The following KIFAP3 variants were observed in gnomAD, a reference collection of about 807,000 sequenced individuals.
KIFAP3 encodes kinesin-associated protein 3.
Under a neutral mutation model 106.5 loss-of-function variants are expected in KIFAP3, and 68 were observed. The ratio of observed to expected loss-of-function variants is 0.64; its 90% CI spans 0.53 to 0.78. KIFAP3 has a LOEUF of 0.78. Among genes scored for constraint, KIFAP3 ranks in the 30% least tolerant of loss-of-function variants. The pLI, the probability that KIFAP3 is intolerant of heterozygous loss-of-function variation, is 0.00. For missense variants in KIFAP3, 780 were observed against 941.8 expected (o/e 0.83, Z 2.25); for synonymous variants, 320 against 311.5 (o/e 1.03, Z -0.29).
intron 12 of KIFAP3, among the ~76,000 whole-genome samples, chr1:169,983,920 TA>T (rs1423986309): frequency 2.6e-5 from 4 of 151,858 alleles, no homozygotes; most frequent in Non-Finnish European, 5.9e-5. Context: ...CAAAATTCTT[TA>T]ATAGACAATT....
chr1:170,019,804 T>C (rs117775398), intron 9 of KIFAP3, among the ~76,000 whole-genome samples: 2,265 of 152,168 alleles, frequency 0.015, 127 homozygotes, highest in Admixed American at 0.09. Context: ...ACACGATTCC[T>C]CCTCAACATC....
chr1:169,966,464 CAAAAA>C lies in KIFAP3; in HGVS notation c.1984-5234_1984-5230del, dbSNP rs58208596. Among the ~76,000 whole-genome samples the C allele has an allele frequency of 6.5e-4, 84 of 130,078 alleles. No homozygotes were observed. In the Middle Eastern group the frequency reaches 0.023, roughly 35 times the overall value. The allele number at this position is 130,078 out of a possible 152,430, so 85.3% of individuals were successfully genotyped here. Reference sequence around the variant, plus strand: ...GTTATAGATCATAGACGGAAAATGGCAAAAAAAAAAAAAAAAAAAACCTTGGCTTA... The same window carrying C: ...GTTATAGATCATAGACGGAAAATGGCAAAAAAAAAAAAAAACCTTGGCTTA... On this transcript the variant is annotated intron_variant, in intron 17 of 19. Coordinates refer to ENST00000361580, the MANE Select transcript of KIFAP3 (RefSeq NM_014970.4).
chr1:170,066,738 A>T (rs1196987826), intron 1 of KIFAP3, among the ~76,000 whole-genome samples: 1 of 152,210 alleles, frequency 6.6e-6, no homozygotes, highest in Admixed American at 6.5e-5. Context: ...TCCAAGCTTT[A>T]AGCTTGAAAC....
intron 10 of KIFAP3, among the ~76,000 whole-genome samples, chr1:170,001,050 T>C (rs1176015920): frequency 6.6e-6 from 1 of 152,138 alleles, no homozygotes; most frequent in Non-Finnish European, 1.5e-5. Context: ...ATATAGAACA[T>C]TTTTGATAGA....
intron 16 of KIFAP3, among the ~76,000 whole-genome samples, chr1:169,976,332 C>A (rs1045050221): frequency 2.0e-5 from 3 of 152,048 alleles, no homozygotes. Context: ...GACTCTCAAC[C>A]CAAAAAAGCA....
chr1:170,076,709 T>G (rs543266691), upstream of KIFAP3, among the ~76,000 whole-genome samples: 5 of 152,300 alleles, frequency 3.3e-5, no homozygotes, highest in African/African-American at 1.2e-4. Context: ...AGAAAATACC[T>G]GGTAGGAATG....
Position 169,982,828 on chromosome 1 carries a change from C to T in KIFAP3, c.1546G>A (p.Glu516Lys), listed in dbSNP as rs759315788. ...GDLAAQISND[E>K]EEEFVIECLG... ...CATTCAATCACAAACTCCTCTTCTT[C>T]ATCATTAGAGATCTGGGCTGCAAGG... Residue 516 changes from glutamate (E) to lysine (K), a missense_variant, in exon 14 of 20, where the codon GAA becomes AAA. Physicochemically the swap from Glu to Lys is moderately conservative, Grantham distance 56. Coordinates refer to ENST00000361580, the MANE Select transcript of KIFAP3 (RefSeq NM_014970.4). 2 of 1,603,792 alleles carry T rather than the reference C, an allele frequency of 1.2e-6. No homozygotes were observed. The highest frequency in any genetic ancestry group is 3.4e-5 in the Admixed American group (2 of 59,518).
intron 19 of KIFAP3, among the ~76,000 whole-genome samples, chr1:169,930,370 G>T (rs1176594436): frequency 6.6e-6 from 1 of 152,066 alleles, no homozygotes; most frequent in Non-Finnish European, 1.5e-5. Context: ...TGATAAAATG[G>T]GATTTCCATT....
At chr1:169,990,699 T>C (rs1244548592) in intron 11 of KIFAP3, among the ~76,000 whole-genome samples, 4 of 152,072 alleles carry the variant, frequency 2.6e-5, no homozygotes, top group African/African-American at 7.2e-5. Context: ...ACAGAATCTC[T>C]ACCCTTATAA....
intron 1 of KIFAP3, among the ~76,000 whole-genome samples, chr1:170,066,793 G>A (rs182801091): frequency 3.3e-5 from 5 of 152,048 alleles, no homozygotes; most frequent in East Asian, 3.9e-4. Context: ...GATGCAGATC[G>A]GTCACCAACA....
intron 16 of KIFAP3, among the ~76,000 whole-genome samples, chr1:169,975,609 T>G (rs1666183306): frequency 6.6e-6 from 1 of 151,992 alleles, no homozygotes; most frequent in Admixed American, 6.6e-5. Flanking sequence ...TTTAAATTTA[T>G]TTTTTATTTT....
At chr1:170,011,684 A>G (rs1668249913) in intron 10 of KIFAP3, among the ~76,000 whole-genome samples, 1 of 151,998 alleles carries the variant, frequency 6.6e-6, no homozygotes, top group South Asian at 2.1e-4. Context: ...TGTGAAAGTC[A>G]GTGCTCTAAA....
chr1:170,062,361 ACT>A (rs1484132783), intron 1 of KIFAP3, among the ~76,000 whole-genome samples: 1 of 151,248 alleles, frequency 6.6e-6, no homozygotes, highest in Non-Finnish European at 1.5e-5. Context: ...TTGTTACAAA[ACT>A]CTTTTTGTGT....
upstream of KIFAP3, among the ~76,000 whole-genome samples, chr1:170,076,824 A>AC (rs1671928399): frequency 6.6e-6 from 1 of 152,196 alleles, no homozygotes; most frequent in South Asian, 2.1e-4. Flanking sequence ...GCAAAGTTTT[A>AC]CCCCGCATAT....
intron 4 of KIFAP3, 53 bp from the exon 5 acceptor site, chr1:170,038,484 T>A: frequency 6.5e-7 from 1 of 1,544,270 alleles, no homozygotes; most frequent in South Asian, 1.2e-5. Context: ...AGATCCACTG[T>A]CAAAGAAATG....
At chr1:170,073,718 T>C (rs961132389) in intron 1 of KIFAP3, among the ~76,000 whole-genome samples, 2 of 152,040 alleles carry the variant, frequency 1.3e-5, no homozygotes, top group Non-Finnish European at 2.9e-5. Context: ...TTTTTTTTTT[T>C]CCAAATCAGG....
At chr1:170,014,735 C>G (rs988429853) in intron 10 of KIFAP3, among the ~76,000 whole-genome samples, 1 of 152,002 alleles carries the variant, frequency 6.6e-6, no homozygotes, top group Non-Finnish European at 1.5e-5. Context: ...AAATGTAACA[C>G]GAGAAACGTA....
chr1:169,987,055 AAG>A (rs1184332028), intron 11 of KIFAP3, among the ~76,000 whole-genome samples: 1 of 152,082 alleles, frequency 6.6e-6, no homozygotes. Flanking sequence ...TTTTCATAAT[AAG>A]AGAGATAAAC....
At chr1:169,931,070 C>A (rs1483753400) in intron 19 of KIFAP3, among the ~76,000 whole-genome samples, 1 of 151,890 alleles carries the variant, frequency 6.6e-6, no homozygotes, top group Non-Finnish European at 1.5e-5. Context: ...CAGGCCCGTG[C>A]CACAATGCCT....
Sources: allele counts gnomAD v4.1 joint callset (sites outside exome capture counted in the v4.1 genomes callset), GRCh38; gene constraint gnomAD v4.1.1; transcripts MANE v1.5; gene names NCBI Gene and HGNC (gene_info 2026-07-23, HGNC 2026-07-21).